Variants in RGS6 observed in about 807,000 individuals in gnomAD.
RGS6 encodes regulator of G-protein signaling 6.
In RGS6, 30 loss-of-function variants were observed where a neutral mutation model predicts 78.5. That is an observed-to-expected ratio of 0.38 (90% CI 0.29 to 0.52). RGS6 has a LOEUF of 0.52. Among genes scored for constraint, RGS6 ranks in the 20% least tolerant of loss-of-function variants. The pLI, the probability that RGS6 is intolerant of heterozygous loss-of-function variation, is 0.85. For missense variants in RGS6, 495 were observed against 609.7 expected, an observed-to-expected ratio of 0.81 and a Z score of 1.98; for synonymous variants, 206 against 206.0, an observed-to-expected ratio of 1.00 and a Z score of 0.00.
At chr14:71,913,880 C>G in the RGS6 span, among the ~76,000 whole-genome samples, 10 of 152,284 alleles carry the variant, frequency 6.6e-5, no homozygotes, top group African/African-American at 2.4e-4. Context: ...AATTTGCAGC[C>G]AAAAGCTTCC....
rs1567010796 is a variant in RGS6 at position 72,009,319 on chromosome 14, G to GCCTAGGTGACAGAGTGAGACCCCCCA, written c.84+44447_84+44472dup. Reference sequence around the variant, plus strand: ...CCATTAACTGTGCCACTGAACTCCCGCCTAGGTGACAGAGTGAGACCCCCC... The same window carrying GCCTAGGTGACAGAGTGAGACCCCCCA: ...CCATTAACTGTGCCACTGAACTCCCGCCTAGGTGACAGAGTGAGACCCCCCACCTAGGTGACAGAGTGAGACCCCCC... On this transcript the variant is annotated intron_variant, in intron 2 of 17. Transcript: ENST00000553525. 9.2e-5 allele frequency among the ~76,000 whole-genome samples: 14 copies of GCCTAGGTGACAGAGTGAGACCCCCCA among 152,192 alleles called. No individual in the cohort carries two copies. The South Asian group carries it at 1.2e-3, about 14-fold the overall frequency.
At chr14:72,220,606 A>G (rs1325328042) in intron 2 of RGS6, among the ~76,000 whole-genome samples, 2 of 152,226 alleles carry the variant, frequency 1.3e-5, no homozygotes, top group Non-Finnish European at 2.9e-5. Flanking sequence ...CTGCTTCCGT[A>G]TAGTATTTTA....
Position 72,118,922 on chromosome 14 carries a change from C to A in RGS6, c.84+154047C>A, listed in dbSNP as rs1016629732. Among the ~76,000 whole-genome samples the A allele has an allele frequency of 3.3e-5, 5 of 152,170 alleles. No individual in the cohort carries two copies. The East Asian group carries it at 7.7e-4, about 23-fold the overall frequency. On this transcript the variant is annotated intron_variant, in intron 2 of 17. Transcript: ENST00000553525. ...TGCTTCTCTAAAGTTTCCTTTTTCC[C>A]AAAATTTTATTATTTGGCATAATTT...
intron 2 of RGS6, among the ~76,000 whole-genome samples, chr14:71,965,666 G>A (rs899635519): frequency 6.6e-6 from 1 of 152,210 alleles, no homozygotes; most frequent in Non-Finnish European, 1.5e-5. Flanking sequence ...AAAAACTTCT[G>A]TGCCAAGAGT....
At chr14:72,548,342 T>TGTGTGTGC (rs796698263) in intron 17 of RGS6, among the ~76,000 whole-genome samples, 8 of 134,744 alleles carry the variant, frequency 5.9e-5, no homozygotes, top group African/African-American at 2.2e-4. Context: ...TGTGTGTGTG[T>TGTGTGTGC]GCGCGCGTGT....
chr14:72,611,782 T>G, the RGS6 span, among the ~76,000 whole-genome samples: 2,656 of 152,234 alleles, frequency 0.017, 78 homozygotes, highest in African/African-American at 0.061. Flanking sequence ...GTCATCTGTT[T>G]TCTTCCCCCG....
At chr14:72,615,857 C>A in the RGS6 span, among the ~76,000 whole-genome samples, 1 of 152,252 alleles carries the variant, frequency 6.6e-6, no homozygotes, top group Non-Finnish European at 1.5e-5. Flanking sequence ...ATCCAAAAAG[C>A]AGGGTTTCAA....
chr14:72,357,203 C>T (rs1294258029), intron 3 of RGS6, among the ~76,000 whole-genome samples: 4 of 150,950 alleles, frequency 2.6e-5, no homozygotes, highest in Non-Finnish European at 4.4e-5. Context: ...GCCCAGGCAG[C>T]AGAGGTTGTG....
intron 2 of RGS6, among the ~76,000 whole-genome samples, chr14:72,288,296 C>T (rs2062954520): frequency 6.6e-6 from 1 of 152,170 alleles, no homozygotes; most frequent in South Asian, 2.1e-4. Flanking sequence ...ACTTTTAAGA[C>T]TCTTCTAATT....
At position 72,562,631 on chromosome 14, in the gene RGS6, G is replaced by A. The variant is rs2097690386; in HGVS notation, c.*164G>A. 1.3e-6 allele frequency: 2 copies of A among 1,534,668 alleles called. No homozygotes were observed. The highest frequency in any genetic ancestry group is 1.7e-6 in the Non-Finnish European group (2 of 1,146,270). The stretch of plus-strand genomic sequence containing the variant: ...TGGTGGGGAGACTCGGTGGGTGAAT[G>A]GGGAGACCAGAAAGAAAGAGTCCAC... On this transcript the variant is annotated 3_prime_UTR_variant, in exon 18 of 18. Coordinates refer to ENST00000553525, the MANE Select transcript of RGS6 (RefSeq NM_001204424.2).
At chr14:71,979,335 AG>A (rs1165160540) in intron 2 of RGS6, among the ~76,000 whole-genome samples, 1 of 144,544 alleles carries the variant, frequency 6.9e-6, no homozygotes, top group African/African-American at 2.6e-5. Context: ...TTGCTTTTCT[AG>A]TTCTTTTAAT....
chr14:72,316,523 G>T lies in RGS6; in HGVS notation c.85-35572G>T, dbSNP rs569796187. ...GTCCTTGTGATAGTTTGCTGAGAAT[G>T]ATGGTTTCCAGCTTCATCCATGTCC... On this transcript the variant is annotated intron_variant, in intron 2 of 17. Transcript: ENST00000553525. Among the ~76,000 whole-genome samples the T allele has an allele frequency of 3.3e-5, 5 of 152,292 alleles. No homozygotes were observed. The East Asian group carries it at 9.7e-4, about 29-fold the overall frequency.
intron 2 of RGS6, among the ~76,000 whole-genome samples, chr14:72,266,844 G>C (rs1424761354): frequency 6.6e-6 from 1 of 152,184 alleles, no homozygotes; most frequent in East Asian, 1.9e-4. Flanking sequence ...CCCACAGCCA[G>C]GCTGGGTGAG....
chr14:72,517,790 C>T (rs538121913), intron 14 of RGS6, among the ~76,000 whole-genome samples: 13 of 152,204 alleles, frequency 8.5e-5, no homozygotes, highest in Non-Finnish European at 1.8e-4. Flanking sequence ...GGGATCTCTC[C>T]TCCATTTTGA....
intron 2 of RGS6, among the ~76,000 whole-genome samples, chr14:72,035,649 C>T (rs1422024549): frequency 6.6e-6 from 1 of 151,988 alleles, no homozygotes; most frequent in Admixed American, 6.6e-5. Context: ...ATATGTTTTG[C>T]AATGTGAATC....
rs1199155012 is a variant in RGS6 at position 71,942,872 on chromosome 14, C to A, written c.-21+9931C>A. 2.7e-5 allele frequency among the ~76,000 whole-genome samples: 4 copies of A among 149,492 alleles called. No homozygotes were observed. In the East Asian group the frequency reaches 7.9e-4, roughly 30 times the overall value. On this transcript the variant is annotated intron_variant, in intron 1 of 17. Coordinates refer to ENST00000553525, the MANE Select transcript of RGS6 (RefSeq NM_001204424.2). ...GATATGAACAAAATAGATCCTCATT[C>A]ATTAATAGCTCAGGCTATGCAAATG... is the stretch of plus-strand genomic sequence containing the variant.
At chr14:72,106,375 T>C (rs34132399) in intron 2 of RGS6, among the ~76,000 whole-genome samples, 13,160 of 152,206 alleles carry the variant, frequency 0.086, 749 homozygotes, top group Admixed American at 0.12. Context: ...AATCAGAAAC[T>C]ATGGAGGTGG....
At chr14:72,567,873 C>T (rs116339483), downstream of RGS6, among the ~76,000 whole-genome samples, 3,715 of 152,356 alleles carry the variant, frequency 0.024, 164 homozygotes, top group African/African-American at 0.085. Flanking sequence ...CGTCGTGGGA[C>T]TTCCGACACC....
At chr14:72,439,572 G>A (rs995999790) in intron 3 of RGS6, among the ~76,000 whole-genome samples, 3 of 152,188 alleles carry the variant, frequency 2.0e-5, no homozygotes, top group Admixed American at 6.5e-5. Flanking sequence ...CAAGGCTATC[G>A]CTAAGCCTAT....
Sources: gnomAD v4.1 joint callset for allele counts (sites outside exome capture counted in the v4.1 genomes callset) on GRCh38, gnomAD v4.1.1 for gene constraint, MANE v1.5 for transcripts, NCBI Gene and HGNC (gene_info 2026-07-23, HGNC 2026-07-21) for gene names.